Variants in TMEM178B observed in about 807,000 individuals in gnomAD.
TMEM178B encodes transmembrane protein 178B.
Under a neutral mutation model 31.0 loss-of-function variants are expected in TMEM178B, and 5 were observed. The observed-to-expected ratio is 0.16, with a 90% CI of 0.08 to 0.34. TMEM178B has a LOEUF of 0.34. TMEM178B is among the 10% of genes least tolerant of loss of function. TMEM178B has a pLI of 1.00. For missense variants in TMEM178B, 275 were observed against 400.3 expected (o/e 0.69, Z 2.67); for synonymous variants, 164 against 164.0 (o/e 1.00, Z 0.00).
intron 2 of TMEM178B, among the ~76,000 whole-genome samples, chr7:141,266,162 T>C (rs1798091906): frequency 6.6e-6 from 1 of 152,238 alleles, no homozygotes; most frequent in Non-Finnish European, 1.5e-5. Flanking sequence ...AGAAAAATAC[T>C]GATATTTGAA....
chr7:141,236,693 A>C (rs148001402), intron 2 of TMEM178B, among the ~76,000 whole-genome samples: 47 of 152,340 alleles, frequency 3.1e-4, no homozygotes, highest in African/African-American at 1.1e-3. Context: ...TGAGAGTGGG[A>C]ACAGTCAATG....
intron 2 of TMEM178B, among the ~76,000 whole-genome samples, chr7:141,340,261 T>C (rs1459382738): frequency 6.6e-6 from 1 of 152,160 alleles, no homozygotes; most frequent in East Asian, 1.9e-4. Context: ...TGGATTTCAG[T>C]CCAGTGAAAC....
chr7:141,441,342 G>A (rs1801652920), intron 3 of TMEM178B, among the ~76,000 whole-genome samples: 1 of 152,218 alleles, frequency 6.6e-6, no homozygotes. Flanking sequence ...GGGTTGGCCT[G>A]TTGAAGAATT....
intron 2 of TMEM178B, among the ~76,000 whole-genome samples, chr7:141,333,755 G>C (rs577295054): frequency 4.7e-4 from 72 of 152,342 alleles, no homozygotes; most frequent in African/African-American, 1.6e-3. Context: ...TCCGTGGACT[G>C]GGGTGGAGGG....
intron 2 of TMEM178B, among the ~76,000 whole-genome samples, chr7:141,402,694 T>A (rs1800807340): frequency 6.6e-6 from 1 of 152,214 alleles, no homozygotes; most frequent in Admixed American, 6.5e-5. Context: ...AAGAGATAGA[T>A]GTTGTAACTT....
intron 1 of TMEM178B, among the ~76,000 whole-genome samples, chr7:141,194,486 G>A (rs1381061435): frequency 6.6e-6 from 1 of 152,202 alleles, no homozygotes; most frequent in African/African-American, 2.4e-5. Flanking sequence ...TTGACTCCAT[G>A]TCTCACATCC....
chr7:141,287,996 G>A lies in TMEM178B; in HGVS notation c.496+75292G>A, dbSNP rs577165947. ...TGCTTGTTTTTTTCCCCCCCAATAC[G>A]TAGCTCAAAAATTCTTTTAAAAATG... On this transcript the variant is annotated intron_variant, in intron 2 of 3. Coordinates refer to ENST00000565468, the MANE Select transcript of TMEM178B (RefSeq NM_001195278.2). Among the ~76,000 whole-genome samples the A allele has an allele frequency of 6.6e-5, 10 of 151,992 alleles. No homozygotes were observed. In the South Asian group the frequency reaches 1.0e-3, roughly 16 times the overall value.
intron 1 of TMEM178B, among the ~76,000 whole-genome samples, chr7:141,097,876 C>T (rs1280028752): frequency 2.7e-5 from 4 of 147,194 alleles, no homozygotes; most frequent in African/African-American, 1.0e-4. Flanking sequence ...ACTGCAGCTT[C>T]GACCTCCCTG....
intron 2 of TMEM178B, among the ~76,000 whole-genome samples, chr7:141,410,803 G>A (rs920850238): frequency 2.0e-5 from 3 of 152,176 alleles, no homozygotes; most frequent in African/African-American, 4.8e-5. Context: ...CATGACGATC[G>A]TATTAAAAGT....
intron 2 of TMEM178B, among the ~76,000 whole-genome samples, chr7:141,334,104 C>G (rs1030091429): frequency 5.3e-5 from 8 of 152,202 alleles, no homozygotes; most frequent in East Asian, 1.9e-4. Flanking sequence ...CCAAAACTGT[C>G]TGGTATTTGT....
Position 141,074,809 on chromosome 7 carries a change from C to T in TMEM178B, c.382+117C>T. The T allele has an allele frequency of 7.3e-7, 1 of 1,371,378 alleles. No homozygotes were observed. Among genetic ancestry groups the T allele is most frequent in the Non-Finnish European group, 9.6e-7 (1 of 1,043,716 alleles). 85.0% of individuals were successfully genotyped at this position (1,371,378 alleles called of 1,614,324 possible). ...TCAGGTCTCTGGGTTCCAGGCGGTC[C>T]GGTTATCCAGGCCTGGCTGAGCCTC... is the stretch of plus-strand genomic sequence containing the variant. On this transcript the variant is annotated intron_variant, in intron 1 of 3. Transcript: ENST00000565468. This position sits in a 1 kb window ranked among gnomAD's most constrained non-coding sequence, Gnocchi z 5.1.
At chr7:141,196,799 A>C (rs1796790292) in intron 1 of TMEM178B, among the ~76,000 whole-genome samples, 2 of 152,008 alleles carry the variant, frequency 1.3e-5, no homozygotes, top group African/African-American at 4.8e-5. Flanking sequence ...CATTGGTGTA[A>C]TTGGTCTTCA....
At chr7:141,100,393 C>A (rs2129173682) in intron 1 of TMEM178B, among the ~76,000 whole-genome samples, 1 of 152,224 alleles carries the variant, frequency 6.6e-6, no homozygotes, top group Middle Eastern at 3.4e-3. Context: ...TGTAAACACT[C>A]ATACACATTT....
chr7:141,169,539 C>A (rs957094710), intron 1 of TMEM178B, among the ~76,000 whole-genome samples: 1 of 152,186 alleles, frequency 6.6e-6, no homozygotes, highest in Admixed American at 6.5e-5. Context: ...ATAGAACATT[C>A]ATCTGGCTAA....
At position 141,134,150 on chromosome 7, in the gene TMEM178B, G is replaced by T. The variant is rs117412427; in HGVS notation, c.382+59458G>T. On this transcript the variant is annotated intron_variant, in intron 1 of 3. Coordinates refer to ENST00000565468, the MANE Select transcript of TMEM178B (RefSeq NM_001195278.2). ...CTTGGGAGGCTGAGGTAGGAGGATC[G>T]CTTGAACCTGAAAGTTTGAGGCTGC... Among the ~76,000 whole-genome samples, 269 of 152,190 alleles carry T rather than the reference G, an allele frequency of 1.8e-3. 2 individuals are homozygous for T. Among genetic ancestry groups the T allele is most frequent in the Middle Eastern group, 3.4e-3 (1 of 294 alleles).
Position 141,348,029 on chromosome 7 carries a change from G to A in TMEM178B, c.497-89579G>A, listed in dbSNP as rs569129593. Reference sequence around the variant, plus strand: ...TATTTACTAGCTGGGAGAGAAAAGGGTTTAGACAGATCTAACCACATTTAG... The same window carrying A: ...TATTTACTAGCTGGGAGAGAAAAGGATTTAGACAGATCTAACCACATTTAG... On this transcript the variant is annotated intron_variant, in intron 2 of 3. Transcript: ENST00000565468. Among the ~76,000 whole-genome samples, 15 of 152,294 alleles carry A rather than the reference G, an allele frequency of 9.8e-5. No individual in the cohort carries two copies. In the South Asian group the frequency reaches 2.9e-3, roughly 30 times the overall value.
Position 141,171,953 on chromosome 7 carries a change from A to G in TMEM178B, c.383-40638A>G, listed in dbSNP as rs1016555103. ...CTCAACAGGTAATTGTTGAGTACCT[A>G]TTGTGTGCTAGTGCTGTGATTGCGA... On this transcript the variant is annotated intron_variant, in intron 1 of 3. Coordinates refer to ENST00000565468, the MANE Select transcript of TMEM178B (RefSeq NM_001195278.2). This position sits in a 1 kb window ranked among gnomAD's most constrained non-coding sequence, Gnocchi z 4.3. Among the ~76,000 whole-genome samples, 3 of 152,072 alleles carry G rather than the reference A, an allele frequency of 2.0e-5. No individual in the cohort carries two copies. The highest frequency in any genetic ancestry group is 4.4e-5 in the Non-Finnish European group (3 of 68,010).
At chr7:141,441,569 G>T (rs1035115251) in intron 3 of TMEM178B, among the ~76,000 whole-genome samples, 3 of 152,158 alleles carry the variant, frequency 2.0e-5, no homozygotes, top group Admixed American at 1.3e-4. Context: ...TGAGAAGGGT[G>T]GGGGGACAAC....
At chr7:141,415,534 G>A (rs1451228784) in intron 2 of TMEM178B, 1 of 152,712 alleles carries the variant, frequency 6.5e-6, no homozygotes, top group Non-Finnish European at 1.5e-5. Context: ...GGGTTCAAGG[G>A]AAGAAGGGCA....
Sources: gnomAD v4.1 joint callset for allele counts (sites outside exome capture counted in the v4.1 genomes callset) on GRCh38, gnomAD v4.1.1 for gene constraint, Gnocchi (gnomAD v3.1) non-coding constraint, MANE v1.5 for transcripts, NCBI Gene and HGNC (gene_info 2026-07-23, HGNC 2026-07-21) for gene names.